PTGES2: variants seen among roughly 807,000 people sequenced by gnomAD.
The protein encoded by PTGES2 is prostaglandin E synthase 2, also known as GATE-binding factor 1.
PTGES2 carries 35 observed loss-of-function variants against 44.5 expected under a neutral mutation model. That is an observed-to-expected ratio of 0.79 (90% CI 0.60 to 1.04). The LOEUF (loss-of-function observed/expected upper bound fraction) is 1.04. Ranked by LOEUF, PTGES2 falls within the 50% of genes least tolerant of loss-of-function variation. The pLI is 0.00. For synonymous variants in PTGES2, 221 were observed against 227.5 expected (o/e 0.97, Z 0.26); for missense variants, 517 against 521.4 (o/e 0.99, Z 0.08).
upstream of PTGES2, chr9:128,127,787 G>T: frequency 8.2e-7 from 1 of 1,225,150 alleles, no homozygotes; most frequent in South Asian, 3.2e-5. Context: ...CGTTTAAAGG[G>T]CCAGGACTCT....
At chr9:128,122,754 G>A (rs957548614) in intron 5 of PTGES2, 180 bp downstream of exon 5, 2 of 689,262 alleles carry the variant, frequency 2.9e-6, no homozygotes, top group Admixed American at 2.7e-5. Flanking sequence ...CAGGGGAGGT[G>A]AGCAGGAGCT....
At position 128,125,349 on chromosome 9, in the gene PTGES2, G is replaced by A. The variant is rs777554664; in HGVS notation, c.372C>T (p.Ala124=). Reference sequence around the variant, plus strand: ...TCACCTCCACCACCTGGTAGGGCAGGGCATGGAAGTCGAGGAAGGCTCGGA... The same window carrying A: ...TCACCTCCACCACCTGGTAGGGCAGAGCATGGAAGTCGAGGAAGGCTCGGA... ...SKVRAFLDFH[A]LPYQVVEVNP... Residue 124 remains alanine, a synonymous_variant, in exon 2 of 7, where the codon GCC becomes GCT. Transcript: ENST00000338961. 4 of 1,614,164 alleles carry A rather than the reference G, an allele frequency of 2.5e-6. No individual in the cohort carries two copies. The highest frequency in any genetic ancestry group is 3.4e-6 in the Non-Finnish European group (4 of 1,180,016).
At position 128,125,455 on chromosome 9, in the gene PTGES2, A is replaced by G; in HGVS notation, c.280-14T>C. On this transcript the variant is annotated splice_polypyrimidine_tract_variant and intron_variant, in intron 1 of 6. Transcript: ENST00000338961. Reference sequence around the variant, plus strand: ...GGACAGGGAGAGCTGCGGGCAGCAGACGGAAAAGGCTTCTAGACCTGGCAC... The same window carrying G: ...GGACAGGGAGAGCTGCGGGCAGCAGGCGGAAAAGGCTTCTAGACCTGGCAC... 6.2e-7 allele frequency: 1 copy of G among 1,613,370 alleles called. No individual in the cohort carries two copies. The highest frequency in any genetic ancestry group is 1.1e-5 in the South Asian group (1 of 91,052).
Position 128,123,921 on chromosome 9 carries a change from GC to G in PTGES2, c.537-71del, listed in dbSNP as rs1834521765. On this transcript the variant is annotated intron_variant, in intron 3 of 6. Transcript: ENST00000338961. This position sits in a 1 kb window ranked among gnomAD's most constrained non-coding sequence, Gnocchi z 4.4. ...TCCCCTGTGGCCGACCAACCCCGCT[GC>G]CCCAGCCTCAGAGTGGAGCCAGGAC... is the stretch of plus-strand genomic sequence containing the variant. 8.3e-6 allele frequency: 13 copies of G among 1,560,602 alleles called. No homozygotes were observed. The South Asian group carries it at 1.5e-4, about 18-fold the overall frequency.
At position 128,120,763 on chromosome 9, in the gene PTGES2, G is replaced by A. The variant is rs905146157; in HGVS notation, c.*382C>T. 2 of 220,452 alleles carry A rather than the reference G, an allele frequency of 9.1e-6. No homozygotes were observed. The highest frequency in any genetic ancestry group is 1.3e-4 in the East Asian group (1 of 7,842). The allele number at this position is 220,452 out of a possible 1,614,324, so 13.7% of individuals were successfully genotyped here. On this transcript the variant is annotated 3_prime_UTR_variant, in exon 7 of 7. Coordinates refer to ENST00000338961, the MANE Select transcript of PTGES2 (RefSeq NM_025072.7). ...TTGCAAACATGTCCCAGTCCCGGGA[G>A]GCTTGGGAAGAGTGGGAACCAGGGG...
At position 128,122,999 on chromosome 9, in the gene PTGES2, C is replaced by T. The variant is rs1351303885; in HGVS notation, c.822G>A (p.Glu274=). ...CACCCATGTACTTGGCCACGGCACC[C>T]TCCACGGCTCCGAACTTGCCCTCGC... ...IVREGKFGAV[E]GAVAKYMGAA... The change falls in exon 5 of 7, where the codon GAG becomes GAA. Residue 274 remains glutamate (E), a synonymous_variant. Coordinates refer to ENST00000338961, the MANE Select transcript of PTGES2 (RefSeq NM_025072.7). 1.2e-6 allele frequency: 2 copies of T among 1,613,958 alleles called. No individual in the cohort carries two copies. The highest frequency in any genetic ancestry group is 2.7e-5 in the African/African-American group (2 of 74,928).
chr9:128,128,432 C>T, upstream of PTGES2: 1 of 445,620 alleles, frequency 2.2e-6, no homozygotes, highest in South Asian at 1.6e-5. Context: ...CCGCGGACAG[C>T]CCCGGGATGG....
intron 2 of PTGES2, 111 bp downstream of exon 2, chr9:128,125,133 G>T: frequency 9.8e-7 from 1 of 1,015,536 alleles, no homozygotes; most frequent in Non-Finnish European, 1.4e-6. Flanking sequence ...AGTCCTTACA[G>T]GCACAAGGAT....
chr9:128,127,836 G>A (rs779250147), upstream of PTGES2: 160 of 1,010,306 alleles, frequency 1.6e-4, no homozygotes, highest in Non-Finnish European at 1.9e-4. Context: ...GCGACGCTAA[G>A]GGAACCCTCA....
At chr9:128,124,875 C>T (rs1355558976) in intron 2 of PTGES2, 19 of 1,248,766 alleles carry the variant, frequency 1.5e-5, no homozygotes, top group Non-Finnish European at 1.8e-5. Flanking sequence ...GCCGTCCCTG[C>T]AAGCCAGAAT....
intron 1 of PTGES2, 132 bp from the exon 2 acceptor site, chr9:128,125,573 G>C (rs1834589316): frequency 2.4e-6 from 2 of 820,702 alleles, no homozygotes; most frequent in African/African-American, 3.4e-5. Flanking sequence ...GAGATGGAAG[G>C]GGGCGGTAGG....
intron 2 of PTGES2, 118 bp downstream of exon 2, chr9:128,125,126 C>A: frequency 1.0e-6 from 1 of 968,774 alleles, no homozygotes; most frequent in Non-Finnish European, 1.5e-6. Context: ...CCCCCATAGT[C>A]CTTACAGGCA....
At chr9:128,124,578 G>A (rs561675878) in intron 2 of PTGES2, 28 bp from the exon 3 acceptor site, 11 of 1,610,218 alleles carry the variant, frequency 6.8e-6, no homozygotes, top group Non-Finnish European at 8.5e-6. Context: ...GGTTTAATCA[G>A]AGGTTGCAAC....
Position 128,123,961 on chromosome 9 carries a change from C to T in PTGES2, c.537-110G>A. 2.4e-6 allele frequency: 3 copies of T among 1,266,778 alleles called. No homozygotes were observed. The highest frequency in any genetic ancestry group is 3.3e-6 in the Non-Finnish European group (3 of 905,028). 78.5% of individuals were successfully genotyped at this position (1,266,778 alleles called of 1,614,324 possible). On this transcript the variant is annotated intron_variant, in intron 3 of 6. Transcript: ENST00000338961. The surrounding 1 kb of genome is among the most constrained non-coding windows in gnomAD (Gnocchi z 4.4). The stretch of plus-strand genomic sequence containing the variant: ...TGGAGCCAGGACCAACAAAGGCTCT[C>T]CGGACTCTTGCAGTAAGAGGGATTT...
upstream of PTGES2, chr9:128,127,818 G>T (rs78608535): frequency 7.1e-6 from 8 of 1,123,008 alleles, no homozygotes; most frequent in East Asian, 1.0e-4. Context: ...GGGTTGGCCG[G>T]GGTGAGGGCG....
Position 128,123,327 on chromosome 9 carries a change from T to A in PTGES2, c.687-193A>T, listed in dbSNP as rs1449192261. 5.3e-5 allele frequency among the ~76,000 whole-genome samples: 8 copies of A among 151,630 alleles called. No homozygotes were observed. The highest frequency in any genetic ancestry group is 7.3e-5 in the African/African-American group (3 of 41,240). On this transcript the variant is annotated intron_variant, in intron 4 of 6. Coordinates refer to ENST00000338961, the MANE Select transcript of PTGES2 (RefSeq NM_025072.7). This position sits in a 1 kb window ranked among gnomAD's most constrained non-coding sequence, Gnocchi z 4.4. ...AATGGCACCATCTCAGCTCACTGCA[T>A]CCTCCGCCTCCTGGGTTCAAGCGAT...
At position 128,123,093 on chromosome 9, in the gene PTGES2, AC is replaced by A; in HGVS notation, c.727del (p.Val243CysfsTer3). 1 of 1,603,466 alleles carries A rather than the reference AC, an allele frequency of 6.2e-7. No individual in the cohort carries two copies. The highest frequency in any genetic ancestry group is 2.3e-5 in the East Asian group (1 of 44,172). On this transcript the variant is annotated frameshift_variant, in exon 5 of 7. Coordinates refer to ENST00000338961, the MANE Select transcript of PTGES2 (RefSeq NM_025072.7). LOFTEE classifies it high-confidence loss of function. The surrounding 1 kb of genome is among the most constrained non-coding windows in gnomAD (Gnocchi z 4.4). ...KWRQWADDWL[V>X]HLISPNVYRT... is the part of the protein sequence containing the mutation. ...GTACACATTGGGGGAGATCAGGTGC[AC>A]CAGCCAGTCGTCCGCCCACTGCCGC...
chr9:128,127,346 G>A (rs1031404074), intron 1 of PTGES2, 93 bp downstream of exon 1: 5 of 1,133,598 alleles, frequency 4.4e-6, no homozygotes, highest in African/African-American at 3.2e-5. Flanking sequence ...AAGGTCACAA[G>A]CAGGCAGAGG....
chr9:128,127,596 GC>G lies in PTGES2; in HGVS notation c.121del (p.Ala41ArgfsTer62). Reference sequence around the variant, plus strand: ...AGCCACGGGGCTCGGGCCGCCCGCCGCCCCCGCGAAGCCAGCCCGGCTCTGC... The same window carrying G: ...AGCCACGGGGCTCGGGCCGCCCGCCGCCCCGCGAAGCCAGCCCGGCTCTGC... Reference protein sequence around the residue: ...PTQSRAGFAGAAGGPSPVAAA... With the variant: ...PTQSRAGFAGXAGGPSPVAAA... On this transcript the variant is annotated frameshift_variant, in exon 1 of 7. Transcript: ENST00000338961. LOFTEE classifies it high-confidence loss of function. The G allele has an allele frequency of 7.9e-7, 1 of 1,271,690 alleles. No homozygotes were observed. The highest frequency in any genetic ancestry group is 3.0e-4 in the Middle Eastern group (1 of 3,338). 78.8% of individuals were successfully genotyped at this position (1,271,690 alleles called of 1,614,324 possible).
Sources: gnomAD v4.1 joint callset for allele counts (sites outside exome capture counted in the v4.1 genomes callset) on GRCh38, gnomAD v4.1.1 for gene constraint, Gnocchi (gnomAD v3.1) non-coding constraint, MANE v1.5 for transcripts, NCBI Gene and HGNC (gene_info 2026-07-23, HGNC 2026-07-21) for gene names.